The following IFT140 variants were observed in gnomAD, a reference collection of about 807,000 sequenced individuals.
IFT140 encodes intraflagellar transport 140.
A neutral mutation model predicts 164.6 loss-of-function variants in IFT140; 133 were observed. The observed-to-expected ratio is 0.81, with a 90% CI of 0.70 to 0.93. The LOEUF is 0.93. Among genes scored for constraint, IFT140 ranks in the 40% least tolerant of loss-of-function variants. IFT140 has a pLI of 0.00. For synonymous variants in IFT140, 860 were observed against 817.3 expected (o/e 1.05, Z -0.89); for missense variants, 2,045 against 1,972.3 (o/e 1.04, Z -0.70).
rs749338539 is a variant in IFT140, at chr16:1,607,176, C to T, written c.91G>A (p.Ala31Thr). The change falls in exon 3 of 31, where the codon GCA (alanine) becomes ACA (threonine). Residue 31 changes from alanine to threonine, a missense_variant. Transcript: ENST00000426508. ...GAGGTTGTGCTGATGTAAGCAACTG[C>T]CAAGAATGGATGGACAGGGTGCCAG... ...ISWHPVHPFL[A>T]VAYISTTSTG... 1 of 1,614,146 alleles carries T rather than the reference C, an allele frequency of 6.2e-7. No homozygotes were observed. Among genetic ancestry groups the T allele is most frequent in the East Asian group, 2.2e-5 (1 of 44,884 alleles).
chr16:1,572,142 A>G (rs1436974303), intron 13 of IFT140, among the ~76,000 whole-genome samples: 1 of 152,194 alleles, frequency 6.6e-6, no homozygotes, highest in Non-Finnish European at 1.5e-5. Context: ...TGGGTATTTC[A>G]GTAAAATGTT....
Position 1,586,849 on chromosome 16 carries a change from G to A in IFT140, c.1009+349C>T, listed in dbSNP as rs530006532. 4.6e-5 allele frequency among the ~76,000 whole-genome samples: 7 copies of A among 152,288 alleles called. No homozygotes were observed. The South Asian group carries it at 1.2e-3, about 27-fold the overall frequency. On this transcript the variant is annotated intron_variant, in intron 9 of 30. Coordinates refer to ENST00000426508, the MANE Select transcript of IFT140 (RefSeq NM_014714.4). ...AGCCTCCTGAGTAGATGGGACCACC[G>A]CTGTACACCATCACACCTGGCTAAT...
intron 13 of IFT140, among the ~76,000 whole-genome samples, chr16:1,574,660 C>T (rs1423552256): frequency 6.6e-6 from 1 of 152,192 alleles, no homozygotes; most frequent in Non-Finnish European, 1.5e-5. Flanking sequence ...CTAGCTTCAA[C>T]CCCAACTGCC....
chr16:1,523,783 GC>G, intron 25 of IFT140, 44 bp downstream of exon 25: 1 of 1,606,868 alleles, frequency 6.2e-7, no homozygotes. Flanking sequence ...GGGCCCCCTG[GC>G]TTGCTGCCCC....
At chr16:1,552,132 TTAAA>T (rs1410500576) in intron 19 of IFT140, among the ~76,000 whole-genome samples, 1 of 152,158 alleles carries the variant, frequency 6.6e-6, no homozygotes, top group Non-Finnish European at 1.5e-5. Context: ...CCCTGAGATT[TTAAA>T]CACGTTTCTG....
chr16:1,521,917 TAAAA>T (rs780485191), intron 26 of IFT140, among the ~76,000 whole-genome samples: 2 of 131,538 alleles, frequency 1.5e-5, no homozygotes, highest in Non-Finnish European at 3.3e-5. Flanking sequence ...CATTTATATT[TAAAA>T]AAAAAAAAAA....
At chr16:1,605,707 C>T (rs1038493841) in intron 3 of IFT140, among the ~76,000 whole-genome samples, 5 of 152,074 alleles carry the variant, frequency 3.3e-5, no homozygotes, top group African/African-American at 1.2e-4. Flanking sequence ...CCTGGCACCT[C>T]ATTTTCTTTA....
In IFT140 at chr16:1,564,304, G is replaced by A. The variant is rs2141545675; in HGVS notation, c.1902-142C>T. 1.8e-6 allele frequency: 1 copy of A among 551,200 alleles called. No individual in the cohort carries two copies. Among genetic ancestry groups the A allele is most frequent in the East Asian group, 3.3e-5 (1 of 30,200 alleles). 34.1% of individuals were successfully genotyped at this position (551,200 alleles called of 1,614,324 possible). On this transcript the variant is annotated intron_variant, in intron 16 of 30. Transcript: ENST00000426508. The surrounding 1 kb of genome is among the most constrained non-coding windows in gnomAD (Gnocchi z 5.5). ...GCTCAGCTCTGGGAGAACTTTTGGG[G>A]TCTCACTGCCATGCGCCCTACTGGA...
intron 10 of IFT140, among the ~76,000 whole-genome samples, chr16:1,585,617 T>G (rs1041913302): frequency 6.6e-6 from 1 of 152,202 alleles, no homozygotes; most frequent in East Asian, 1.9e-4. Flanking sequence ...GGTAGATACA[T>G]ATTATAACTA....
chr16:1,555,062 C>T, intron 19 of IFT140: 1 of 1,579,464 alleles, frequency 6.3e-7, no homozygotes, highest in Admixed American at 1.7e-5. Context: ...CGCACACCTG[C>T]TATCGTGGAA....
intron 19 of IFT140, 61 bp from the exon 20 acceptor site, chr16:1,526,857 C>G: frequency 2.0e-6 from 3 of 1,508,610 alleles, no homozygotes; most frequent in Non-Finnish European, 2.7e-6. Context: ...CCTGGCCCTA[C>G]GGCCCCTTCT....
chr16:1,557,795 G>C, intron 19 of IFT140, 140 bp downstream of exon 19: 2 of 833,436 alleles, frequency 2.4e-6, no homozygotes. Flanking sequence ...TTCATCGAGT[G>C]GGAAGACCAT....
chr16:1,535,232 G>A (rs923231043), intron 19 of IFT140, among the ~76,000 whole-genome samples: 4 of 152,166 alleles, frequency 2.6e-5, no homozygotes, highest in Admixed American at 6.5e-5. Flanking sequence ...AGGCCAGGAC[G>A]CTCGGAAGGG....
At chr16:1,591,279 C>T (rs2035167633) in intron 6 of IFT140, among the ~76,000 whole-genome samples, 1 of 152,200 alleles carries the variant, frequency 6.6e-6, no homozygotes, top group East Asian at 1.9e-4. Flanking sequence ...CCCATCCTGG[C>T]ACGCCCCCTC....
At chr16:1,567,429 T>G (rs2033778107) in intron 15 of IFT140, among the ~76,000 whole-genome samples, 2 of 152,094 alleles carry the variant, frequency 1.3e-5, no homozygotes, top group African/African-American at 4.8e-5. Flanking sequence ...CCACCAGTCC[T>G]CACCCGCTCA....
intron 4 of IFT140, among the ~76,000 whole-genome samples, chr16:1,601,008 A>G (rs1326258083): frequency 6.6e-6 from 1 of 152,132 alleles, no homozygotes; most frequent in Admixed American, 6.5e-5. Context: ...CACACCTGTA[A>G]TCCCAGCACT....
rs980908368 is a variant in IFT140, at chr16:1,611,995, A to G, written c.-249T>C. The G allele has an allele frequency of 6.6e-6, 1 of 152,220 alleles. No homozygotes were observed. Among genetic ancestry groups the G allele is most frequent in the Non-Finnish European group, 1.5e-5 (1 of 68,044 alleles). The allele number at this position is 152,220 out of a possible 1,614,324, so 9.4% of individuals were successfully genotyped here. A position where few individuals can be genotyped will look rare whatever the true frequency, so the allele number is the denominator to read the frequency against. ...CCTCAGACGTGCTTCCACACTTCTC[A>G]GAACTCAGGTTCGCGCCCGATTCCA... On this transcript the variant is annotated 5_prime_UTR_variant, in exon 1 of 31. Coordinates refer to ENST00000426508, the MANE Select transcript of IFT140 (RefSeq NM_014714.4).
chr16:1,610,996 G>C (rs1023531946), intron 1 of IFT140, 143 bp from the exon 2 acceptor site: 1 of 152,310 alleles, frequency 6.6e-6, no homozygotes, highest in Non-Finnish European at 1.5e-5. Context: ...TTCCCTTCCC[G>C]TGCATCCCGA....
rs541891452 is a variant in IFT140, at chr16:1,510,831, T to C, written c.*113A>G. The C allele has an allele frequency of 4.9e-6, 5 of 1,011,616 alleles. No individual in the cohort carries two copies. In the South Asian group the frequency reaches 6.9e-5, roughly 14 times the overall value. The allele number at this position is 1,011,616 out of a possible 1,614,324, so 62.7% of individuals were successfully genotyped here. On this transcript the variant is annotated 3_prime_UTR_variant, in exon 31 of 31. Transcript: ENST00000426508. ...GTTCTCGCCCAGCTCTGTCGCGTAT[T>C]CCAACACAGACATGTTTTTTCCCAG...
Sources: allele counts gnomAD v4.1 joint callset (sites outside exome capture counted in the v4.1 genomes callset), GRCh38; gene constraint gnomAD v4.1.1; non-coding constraint Gnocchi (gnomAD v3.1); transcripts MANE v1.5; gene names NCBI Gene and HGNC (gene_info 2026-07-23, HGNC 2026-07-21).